CERKL: variants seen among roughly 807,000 people sequenced by gnomAD.
The protein encoded by CERKL is CERK like autophagy regulator.
A neutral mutation model predicts 63.4 loss-of-function variants in CERKL; 61 were observed. The ratio of observed to expected loss-of-function variants is 0.96; its 90% confidence interval spans 0.78 to 1.19. The LOEUF is 1.19. Ranked by LOEUF, CERKL falls within the 50% of genes most tolerant of loss-of-function variation. The pLI is 0.00. For missense variants in CERKL, 675 were observed against 655.5 expected, an observed-to-expected ratio of 1.03 and a Z score of -0.33; for synonymous variants, 250 against 230.5, an observed-to-expected ratio of 1.08 and a Z score of -0.77.
At chr2:181,610,901 G>A (rs1574496640) in intron 1 of CERKL, among the ~76,000 whole-genome samples, 1 of 152,022 alleles carries the variant, frequency 6.6e-6, no homozygotes, top group East Asian at 1.9e-4. Context: ...TTACTCTAAG[G>A]GAATAAATAT....
At chr2:181,564,372 A>G (rs73028385) in intron 4 of CERKL, among the ~76,000 whole-genome samples, 83 of 152,326 alleles carry the variant, frequency 5.4e-4, no homozygotes, top group African/African-American at 2.0e-3. Context: ...CATAGAGTTT[A>G]GAAACACTTA....
intron 2 of CERKL, among the ~76,000 whole-genome samples, chr2:181,592,782 G>A (rs1685041855): frequency 6.6e-6 from 1 of 152,108 alleles, no homozygotes; most frequent in Non-Finnish European, 1.5e-5. Flanking sequence ...ATAGTTTCTT[G>A]TCTCAGGGAT....
At chr2:181,609,318 T>G (rs1390013710) in intron 1 of CERKL, among the ~76,000 whole-genome samples, 2 of 141,316 alleles carry the variant, frequency 1.4e-5, no homozygotes, top group Non-Finnish European at 3.0e-5. Flanking sequence ...TGGTATTTTT[T>G]GATGTAAGGA....
At chr2:181,603,650 A>G (rs1685548620) in intron 2 of CERKL, 187 bp downstream of exon 2, 2 of 695,694 alleles carry the variant, frequency 2.9e-6, no homozygotes, top group African/African-American at 3.5e-5. Flanking sequence ...GTAGGGAAAA[A>G]TATGATTATC....
chr2:181,608,620 CA>C (rs1182323334), intron 1 of CERKL, among the ~76,000 whole-genome samples: 1 of 151,986 alleles, frequency 6.6e-6, no homozygotes, highest in African/African-American at 2.4e-5. Context: ...GATACTAAAC[CA>C]AAAGCCAACA....
In CERKL at chr2:181,548,558, C is replaced by A; in HGVS notation, c.1120G>T (p.Asp374Tyr). Residue 374 changes from aspartate (D) to tyrosine (Y), a missense_variant, in exon 8 of 13, where the codon GAT (aspartate) becomes TAT (tyrosine). Coordinates refer to ENST00000410087, the MANE Select transcript of CERKL (RefSeq NM_201548.5). ...GTTTTTACCTACCTTTCTTGCACAT[C>A]ATCAGAGCTGTTAAATGGTAAAAAT... is the stretch of plus-strand genomic sequence containing the variant. ...ISFLPFNSSD[D>Y]VQERRAQGSP... 1 of 1,611,758 alleles carries A rather than the reference C, an allele frequency of 6.2e-7. No individual in the cohort carries two copies. Among genetic ancestry groups the A allele is most frequent in the Non-Finnish European group, 8.5e-7 (1 of 1,178,298 alleles).
chr2:181,655,544 T>G (rs1408909968), intron 1 of CERKL, among the ~76,000 whole-genome samples: 1 of 152,232 alleles, frequency 6.6e-6, no homozygotes, highest in African/African-American at 2.4e-5. Context: ...CTGAAAACAC[T>G]TTAAGGTCAA....
At chr2:181,594,864 T>C (rs1029530449) in intron 2 of CERKL, among the ~76,000 whole-genome samples, 7 of 152,156 alleles carry the variant, frequency 4.6e-5, no homozygotes, top group African/African-American at 1.7e-4. Flanking sequence ...TACACAATTA[T>C]AACAAAATTC....
intron 1 of CERKL, among the ~76,000 whole-genome samples, chr2:181,623,941 C>A (rs998639101): frequency 9.9e-5 from 15 of 152,060 alleles, no homozygotes; most frequent in African/African-American, 2.9e-4. Flanking sequence ...ATATATACCC[C>A]ATTTTAGCTC....
intron 2 of CERKL, among the ~76,000 whole-genome samples, chr2:181,585,784 T>G (rs1684737983): frequency 6.6e-6 from 1 of 152,214 alleles, no homozygotes; most frequent in African/African-American, 2.4e-5. Context: ...TGCTCAGAAC[T>G]TAAATCAGTT....
intron 1 of CERKL, among the ~76,000 whole-genome samples, chr2:181,610,064 C>T (rs1685899161): frequency 6.6e-6 from 1 of 151,992 alleles, no homozygotes; most frequent in Non-Finnish European, 1.5e-5. Context: ...ATAAAGACCT[C>T]AAAAGTCCTA....
chr2:181,609,300 AATCTCCGTGGT>A (rs1050693908), intron 1 of CERKL, among the ~76,000 whole-genome samples: 4 of 137,586 alleles, frequency 2.9e-5, no homozygotes, highest in African/African-American at 1.1e-4. Flanking sequence ...CTTCAATCAA[AATCTCCGTGGT>A]ATTTTTTGAT....
At chr2:181,559,002 GCT>G (rs1203765336) in intron 4 of CERKL, among the ~76,000 whole-genome samples, 1 of 152,060 alleles carries the variant, frequency 6.6e-6, no homozygotes, top group Non-Finnish European at 1.5e-5. Context: ...CCAGCGTTTT[GCT>G]CTGTTAACAT....
chr2:181,583,124 C>T (rs1684604916), intron 2 of CERKL, among the ~76,000 whole-genome samples: 1 of 148,218 alleles, frequency 6.7e-6, no homozygotes, highest in Non-Finnish European at 1.5e-5. Context: ...TGCGAAGTAA[C>T]ATCCATTTAA....
chr2:181,569,628 A>G lies in CERKL; in HGVS notation c.614-3507T>C, dbSNP rs1313331986. The stretch of plus-strand genomic sequence containing the variant: ...TCCCAAGAGCCCTGAGCTGGCAGAG[A>G]TCAAGGTTTCCTTCAGATAAATGTC... On this transcript the variant is annotated intron_variant, in intron 3 of 12. Transcript: ENST00000410087. 2.0e-5 allele frequency among the ~76,000 whole-genome samples: 3 copies of G among 152,188 alleles called. No individual in the cohort carries two copies. The East Asian group carries it at 5.8e-4, about 29-fold the overall frequency.
At chr2:181,584,825 GTT>G (rs1051550395) in intron 2 of CERKL, among the ~76,000 whole-genome samples, 26 of 149,614 alleles carry the variant, frequency 1.7e-4, no homozygotes, top group African/African-American at 6.0e-4. Flanking sequence ...GGTTTTTTTT[GTT>G]TTTGTTTTTG....
intron 2 of CERKL, among the ~76,000 whole-genome samples, chr2:181,599,741 G>C (rs1685379430): frequency 6.6e-6 from 1 of 152,080 alleles, no homozygotes; most frequent in African/African-American, 2.4e-5. Context: ...TGGCATTCTT[G>C]ATGGAGAAGA....
chr2:181,593,995 T>A (rs144144809), intron 2 of CERKL, among the ~76,000 whole-genome samples: 1 of 152,126 alleles, frequency 6.6e-6, no homozygotes, highest in African/African-American at 2.4e-5. Context: ...TCCTTAGCCA[T>A]CTGTGAGGAT....
intron 4 of CERKL, among the ~76,000 whole-genome samples, chr2:181,565,133 C>T (rs1257858879): frequency 1.3e-5 from 2 of 152,124 alleles, no homozygotes; most frequent in Non-Finnish European, 2.9e-5. Flanking sequence ...ATTTTGATTG[C>T]ATCACTTCCC....
Sources: allele counts gnomAD v4.1 joint callset (sites outside exome capture counted in the v4.1 genomes callset), GRCh38; gene constraint gnomAD v4.1.1; transcripts MANE v1.5; gene names NCBI Gene and HGNC (gene_info 2026-07-23, HGNC 2026-07-21).